MGAT4A: variants seen among roughly 807,000 people sequenced by gnomAD.
The protein encoded by MGAT4A is N-acetylglucosaminyltransferase IVa.
A neutral mutation model predicts 74.1 loss-of-function variants in MGAT4A; 33 were observed. The observed-to-expected ratio is 0.45, with a 90% confidence interval of 0.34 to 0.60. The LOEUF is 0.60. MGAT4A is among the 20% of genes least tolerant of loss of function. MGAT4A has a pLI of 0.02. For missense variants in MGAT4A, 479 were observed against 628.3 expected (o/e 0.76, Z 2.54); for synonymous variants, 198 against 210.4 (o/e 0.94, Z 0.51).
intron 4 of MGAT4A, among the ~76,000 whole-genome samples, chr2:98,671,448 T>C (rs1285987338): frequency 6.6e-6 from 1 of 152,218 alleles, no homozygotes; most frequent in Non-Finnish European, 1.5e-5. Flanking sequence ...ATCCCATAAA[T>C]GGTCTAGGAG....
chr2:98,680,478 G>T (rs1035635090), intron 2 of MGAT4A, among the ~76,000 whole-genome samples: 2 of 152,120 alleles, frequency 1.3e-5, no homozygotes, highest in Admixed American at 1.3e-4. Context: ...CTTACATAAA[G>T]ATCCTTACAG....
At position 98,726,233 on chromosome 2, in the gene MGAT4A, C is replaced by G; in HGVS notation, c.94+6G>C. 6.2e-7 allele frequency: 1 copy of G among 1,611,242 alleles called. No individual in the cohort carries two copies. On this transcript the variant is annotated splice_donor_region_variant and intron_variant, in intron 2 of 15. Coordinates refer to ENST00000393487, the MANE Select transcript of MGAT4A (RefSeq NM_012214.3). ...TCATGCACATTTTCCGAGTCATTTTCCTTACCTTTCCCATTTTGCCATGTA... is the reference window on the plus strand; with the variant it reads ...TCATGCACATTTTCCGAGTCATTTTGCTTACCTTTCCCATTTTGCCATGTA...
chr2:98,666,562 G>A (rs1017345341), intron 4 of MGAT4A, among the ~76,000 whole-genome samples: 16 of 152,028 alleles, frequency 1.1e-4, no homozygotes, highest in Admixed American at 6.6e-4. Flanking sequence ...GCATGGTGGC[G>A]CATGCCTGTA....
chr2:98,689,117 A>C (rs1285316697), intron 2 of MGAT4A, among the ~76,000 whole-genome samples: 1 of 152,174 alleles, frequency 6.6e-6, no homozygotes, highest in Non-Finnish European at 1.5e-5. Context: ...ATCATCTTTT[A>C]GTTTTCTTAT....
chr2:98,676,530 G>A (rs546357658), intron 3 of MGAT4A, among the ~76,000 whole-genome samples: 187 of 152,078 alleles, frequency 1.2e-3, no homozygotes, highest in Non-Finnish European at 2.0e-3. Context: ...TTTCTAAGAA[G>A]ATCATAATCT....
At chr2:98,720,766 G>GA (rs1319015121) in intron 2 of MGAT4A, among the ~76,000 whole-genome samples, 11 of 151,766 alleles carry the variant, frequency 7.2e-5, no homozygotes, top group South Asian at 4.2e-4. Context: ...TCAAGAGGGA[G>GA]AAAAAAATGA....
At chr2:98,629,073 T>G (rs1701187545) in intron 14 of MGAT4A, among the ~76,000 whole-genome samples, 1 of 152,204 alleles carries the variant, frequency 6.6e-6, no homozygotes, top group Non-Finnish European at 1.5e-5. Flanking sequence ...TTTAGCCATT[T>G]AAAAACAAAA....
chr2:98,680,085 G>C (rs1443751251), intron 2 of MGAT4A, among the ~76,000 whole-genome samples: 1 of 141,474 alleles, frequency 7.1e-6, no homozygotes, highest in Non-Finnish European at 1.5e-5. Context: ...CTGTCGCCCA[G>C]GCTTGAGTAC....
intron 13 of MGAT4A, 65 bp from the exon 14 acceptor site, chr2:98,635,353 T>C (rs1234008416): frequency 2.6e-5 from 30 of 1,151,940 alleles, no homozygotes; most frequent in African/African-American, 2.5e-4. Context: ...GTTATTAATA[T>C]ATCTTAATAT....
intron 2 of MGAT4A, among the ~76,000 whole-genome samples, chr2:98,713,237 A>T (rs1349524751): frequency 6.6e-6 from 1 of 151,628 alleles, no homozygotes; most frequent in African/African-American, 2.4e-5. Flanking sequence ...TTTGAAAAGT[A>T]AATATTAATA....
At chr2:98,669,832 C>T (rs1367312762) in intron 4 of MGAT4A, among the ~76,000 whole-genome samples, 2 of 152,136 alleles carry the variant, frequency 1.3e-5, no homozygotes, top group African/African-American at 4.8e-5. Flanking sequence ...GAGTCATCAG[C>T]ATGTGTAATC....
intron 4 of MGAT4A, among the ~76,000 whole-genome samples, chr2:98,667,231 A>G (rs1234417527): frequency 3.3e-5 from 5 of 152,314 alleles, no homozygotes; most frequent in Non-Finnish European, 7.4e-5. Flanking sequence ...GCCCAGTCTC[A>G]GGTATGTCTT....
At chr2:98,712,248 A>G (rs1702528319) in intron 2 of MGAT4A, among the ~76,000 whole-genome samples, 1 of 152,044 alleles carries the variant, frequency 6.6e-6, no homozygotes, top group African/African-American at 2.4e-5. Flanking sequence ...CAACTCCAAC[A>G]CCGCTTCTTG....
intron 8 of MGAT4A, among the ~76,000 whole-genome samples, chr2:98,646,493 GC>G (rs1659466080): frequency 6.6e-6 from 1 of 151,980 alleles, no homozygotes; most frequent in Admixed American, 6.6e-5. Flanking sequence ...GGCTTGAGTT[GC>G]CCAGGAGTTC....
chr2:98,686,550 G>GTT (rs200645695), intron 2 of MGAT4A, among the ~76,000 whole-genome samples: 1 of 145,978 alleles, frequency 6.9e-6, no homozygotes. Context: ...GTTTTTTGGT[G>GTT]TTTTTTTTTT....
intron 2 of MGAT4A, chr2:98,695,599 G>A (rs1374178708): frequency 6.5e-6 from 1 of 154,590 alleles, no homozygotes; most frequent in African/African-American, 2.4e-5. Flanking sequence ...TTATGTGTAT[G>A]GAACCAACTG....
chr2:98,678,082 T>C (rs1246658217), intron 3 of MGAT4A, among the ~76,000 whole-genome samples: 5 of 150,894 alleles, frequency 3.3e-5, no homozygotes, highest in East Asian at 3.9e-4. Flanking sequence ...ACAAAAAAAT[T>C]AGCCAGGTGT....
intron 4 of MGAT4A, among the ~76,000 whole-genome samples, chr2:98,667,732 G>GTTGTTGTTA (rs1250356799): frequency 4.0e-5 from 6 of 149,604 alleles, no homozygotes; most frequent in African/African-American, 1.5e-4. Context: ...TGTTGTTGTT[G>GTTGTTGTTA]TTTTGAGACA....
chr2:98,712,863 T>C (rs924624742), intron 2 of MGAT4A, among the ~76,000 whole-genome samples: 2 of 152,162 alleles, frequency 1.3e-5, no homozygotes, highest in African/African-American at 4.8e-5. Flanking sequence ...CAGAGCTTCT[T>C]AAAAAATGCC....
Sources: allele counts gnomAD v4.1 joint callset (sites outside exome capture counted in the v4.1 genomes callset), GRCh38; gene constraint gnomAD v4.1.1; transcripts MANE v1.5; gene names NCBI Gene and HGNC (gene_info 2026-07-23, HGNC 2026-07-21).